DNMT3L: variants seen among roughly 807,000 people sequenced by gnomAD.
DNMT3L encodes DNA (cytosine-5)-methyltransferase 3-like.
In DNMT3L, 33 loss-of-function variants were observed where a neutral mutation model predicts 36.2. The ratio of observed to expected loss-of-function variants is 0.91; its 90% CI spans 0.69 to 1.22. The LOEUF (loss-of-function observed/expected upper bound fraction) is 1.22. Among genes scored for constraint, DNMT3L ranks in the 50% most tolerant of loss-of-function variants. The pLI is 0.00. For synonymous variants in DNMT3L, 117 were observed against 121.7 expected, an observed-to-expected ratio of 0.96 and a Z score of 0.26; for missense variants, 310 against 303.1, an observed-to-expected ratio of 1.02 and a Z score of -0.17.
chr21:44,254,499 A>G (rs2040242007), intron 8 of DNMT3L, 118 bp downstream of exon 8: 1 of 1,159,188 alleles, frequency 8.6e-7, no homozygotes, highest in Admixed American at 2.3e-5. Flanking sequence ...CCGTGTGTTC[A>G]GGACTCCTCC....
chr21:44,260,740 G>A (rs565311942), intron 3 of DNMT3L, 55 bp downstream of exon 3: 8 of 1,609,850 alleles, frequency 5.0e-6, no homozygotes, highest in African/African-American at 1.3e-5. Context: ...TTATAGGTGT[G>A]AGCCACTGTG....
intron 7 of DNMT3L, among the ~76,000 whole-genome samples, chr21:44,255,468 C>T (rs935573896): frequency 4.0e-5 from 6 of 148,168 alleles, no homozygotes; most frequent in African/African-American, 7.6e-5. Context: ...TGCAGCGAGC[C>T]GAGATCAAGC....
chr21:44,259,273 A>G (rs1449650242), intron 5 of DNMT3L, among the ~76,000 whole-genome samples, 164 bp downstream of exon 5: 2 of 152,194 alleles, frequency 1.3e-5, no homozygotes, highest in Non-Finnish European at 2.9e-5. Context: ...CGCCTCCCAT[A>G]GCTCAGGGCT....
rs570968707 is a variant in DNMT3L at position 44,260,966 on chromosome 21, G to A, written c.107-127C>T. ...GGAGCCTGAGGTCCCCTGCCATCCC[G>A]CCCTCACACCTTATCTTGGTGTGTT... is the stretch of plus-strand genomic sequence containing the variant. On this transcript the variant is annotated intron_variant, in intron 2 of 11. Transcript: ENST00000628202. The A allele has an allele frequency of 1.1e-4, 156 of 1,454,436 alleles. 1 individual carries two copies. Among genetic ancestry groups the A allele is most frequent in the Middle Eastern group, 5.8e-4 (3 of 5,214 alleles). The allele number at this position is 1,454,436 out of a possible 1,614,324, so 90.1% of individuals were successfully genotyped here. A position where few individuals can be genotyped will look rare whatever the true frequency, so the allele number is the denominator to read the frequency against.
chr21:44,255,947 G>T, intron 7 of DNMT3L, 120 bp downstream of exon 7: 1 of 1,004,662 alleles, frequency 1.0e-6, no homozygotes, highest in Non-Finnish European at 1.5e-6. Flanking sequence ...GAAGGGTACA[G>T]GACATCAGCA....
rs1161315266 is a variant in DNMT3L, at chr21:44,259,715, A to G, written c.152-4T>C. On this transcript the variant is annotated splice_region_variant and splice_polypyrimidine_tract_variant and intron_variant, in intron 3 of 11. Coordinates refer to ENST00000628202, the MANE Select transcript of DNMT3L (RefSeq NM_175867.3). ...CTTCCGCAGCAGATGCAGATGTCTA[A>G]AGGAAACATTCAAAGCACACTGTGT... 3 of 1,608,064 alleles carry G rather than the reference A, an allele frequency of 1.9e-6. No homozygotes were observed. In the South Asian group the frequency reaches 3.3e-5, roughly 18 times the overall value.
In DNMT3L at chr21:44,258,586, G is replaced by T. The variant is rs76057063; in HGVS notation, c.453C>A (p.Ser151Arg). 152 of 1,610,442 alleles carry T rather than the reference G, an allele frequency of 9.4e-5. 1 individual carries two copies. The Middle Eastern group carries it at 2.8e-3, about 30-fold the overall frequency. Residue 151 changes from serine to arginine, a missense_variant, in exon 6 of 12, where the codon AGC becomes AGA. Ser to Arg is a moderately radical substitution (Grantham distance 110). Coordinates refer to ENST00000628202, the MANE Select transcript of DNMT3L (RefSeq NM_175867.3). The surrounding 1 kb of genome is among the most constrained non-coding windows in gnomAD (Gnocchi z 6.2). ...VCYLCLPSSRSGLLQRRRKWR... is the reference protein window; with the variant it reads ...VCYLCLPSSRRGLLQRRRKWR... ...ACTTCCTCCGACGCTGCAGCAGCCC[G>T]CTTCGGGAGGACGGCAGGCACAGGT...
Position 44,254,705 on chromosome 21 carries a change from T to C in DNMT3L, c.605A>G (p.Glu202Gly), listed in dbSNP as rs750111283. 6.2e-7 allele frequency: 1 copy of C among 1,613,874 alleles called. No homozygotes were observed. The highest frequency in any genetic ancestry group is 8.5e-7 in the Non-Finnish European group (1 of 1,179,944). ...VLSLFEDIKK[E>G]LTSLGFLESG... The stretch of plus-strand genomic sequence containing the variant: ...TTCCAAAAAGCCCAAACTCGTCAGC[T>C]CTGGATGGGGAGAGACCAGAAGGGC... The change falls in exon 8 of 12, where the codon GAG becomes GGG. Residue 202 changes from glutamate (E) to glycine (G), a missense_variant and splice_region_variant. Physicochemically the swap from Glu to Gly is moderately conservative, Grantham distance 98. Coordinates refer to ENST00000628202, the MANE Select transcript of DNMT3L (RefSeq NM_175867.3).
intron 6 of DNMT3L, among the ~76,000 whole-genome samples, chr21:44,257,639 C>A (rs1236809814): frequency 1.3e-5 from 2 of 148,272 alleles, no homozygotes; most frequent in East Asian, 3.9e-4. Context: ...CGAGATCCCG[C>A]CACTGCACTC....
rs959185759 is a variant in DNMT3L, at chr21:44,258,832, C to G, written c.345-138G>C. 25 of 1,243,654 alleles carry G rather than the reference C, an allele frequency of 2.0e-5. No individual in the cohort carries two copies. The highest frequency in any genetic ancestry group is 2.5e-5 in the Non-Finnish European group (23 of 917,944). 77.0% of individuals were successfully genotyped at this position (1,243,654 alleles called of 1,614,324 possible). On this transcript the variant is annotated intron_variant, in intron 5 of 11. Coordinates refer to ENST00000628202, the MANE Select transcript of DNMT3L (RefSeq NM_175867.3). The surrounding 1 kb of genome is among the most constrained non-coding windows in gnomAD (Gnocchi z 6.2). ...CCCTTTGGGAAGACCAGGTGGTGGA[C>G]TGGGAAGAGGGAGACGGTCCTTCCT...
At chr21:44,259,803 CTT>C in intron 3 of DNMT3L, 92 bp from the exon 4 acceptor site, 1 of 1,331,988 alleles carries the variant, frequency 7.5e-7, no homozygotes. Flanking sequence ...AAATATGAGA[CTT>C]ATACACTGAA....
chr21:44,260,708 T>C (rs767036335), intron 3 of DNMT3L, 87 bp downstream of exon 3: 70 of 1,553,048 alleles, frequency 4.5e-5, no homozygotes, highest in Admixed American at 6.7e-5. Context: ...TCCTCCCACA[T>C]TGGTCTCCCA....
In DNMT3L at chr21:44,261,276, G is replaced by A. The variant is rs2040316621; in HGVS notation, c.-7-10C>T. ...GGCCGCCATGGGGATGCTGTGTCAG[G>A]ACACACGGACACAGATGTGAGAAAG... On this transcript the variant is annotated splice_polypyrimidine_tract_variant and intron_variant, in intron 1 of 11. Transcript: ENST00000628202. The A allele has an allele frequency of 6.2e-7, 1 of 1,609,440 alleles. No homozygotes were observed. The highest frequency in any genetic ancestry group is 8.5e-7 in the Non-Finnish European group (1 of 1,178,118).
chr21:44,260,392 A>C (rs1442943733), intron 3 of DNMT3L, among the ~76,000 whole-genome samples: 1 of 152,192 alleles, frequency 6.6e-6, no homozygotes, highest in African/African-American at 2.4e-5. Context: ...AAATACATTA[A>C]ACTATATGCT....
Position 44,258,701 on chromosome 21 carries a change from C to T in DNMT3L, c.345-7G>A. On this transcript the variant is annotated splice_polypyrimidine_tract_variant and splice_region_variant and intron_variant, in intron 5 of 11. Coordinates refer to ENST00000628202, the MANE Select transcript of DNMT3L (RefSeq NM_175867.3). This position sits in a 1 kb window ranked among gnomAD's most constrained non-coding sequence, Gnocchi z 6.2. ...ACACTCGAAGCAGTAGCATCTAAGG[C>T]CAGACAGAAAACCACAGCAGCGGAC... The T allele has an allele frequency of 6.2e-7, 1 of 1,610,678 alleles. No homozygotes were observed. The highest frequency in any genetic ancestry group is 1.1e-5 in the South Asian group (1 of 90,970).
intron 3 of DNMT3L, 98 bp from the exon 4 acceptor site, chr21:44,259,809 C>T: frequency 8.0e-7 from 1 of 1,254,822 alleles, no homozygotes; most frequent in Non-Finnish European, 1.1e-6. Context: ...GAGACTTATA[C>T]ACTGAAAACT....
chr21:44,254,582 C>A, intron 8 of DNMT3L, 35 bp downstream of exon 8: 1 of 1,609,596 alleles, frequency 6.2e-7, no homozygotes, highest in South Asian at 1.1e-5. Flanking sequence ...CCCCCGCTCC[C>A]ACTACAGTGT....
chr21:44,256,089 G>T lies in DNMT3L; in HGVS notation c.582C>A (p.Ser194=), dbSNP rs192362607. 6.2e-7 allele frequency: 1 copy of T among 1,613,932 alleles called. No individual in the cohort carries two copies. ...VWRRQPVRVL[S]LFEDIKKELT... ...CACCTTTCTTGATGTCTTCAAAAAG[G>T]GACAGCACCCGGACTGGCTGTCTCC... Residue 194 remains serine, a synonymous_variant, in exon 7 of 12, where the codon TCC becomes TCA. Transcript: ENST00000628202.
At chr21:44,254,410 A>G (rs1186424428) in intron 8 of DNMT3L, among the ~76,000 whole-genome samples, 4 of 152,218 alleles carry the variant, frequency 2.6e-5, no homozygotes, top group Admixed American at 6.5e-5. Flanking sequence ...GCTGCGGGGC[A>G]TCACAGTGGT....
Sources: gnomAD v4.1 joint callset for allele counts (sites outside exome capture counted in the v4.1 genomes callset) on GRCh38, gnomAD v4.1.1 for gene constraint, Gnocchi (gnomAD v3.1) non-coding constraint, MANE v1.5 for transcripts, NCBI Gene and HGNC (gene_info 2026-07-23, HGNC 2026-07-21) for gene names.